SPATA6: variants seen among roughly 807,000 people sequenced by gnomAD.
SPATA6 encodes the protein spermatogenesis-associated protein 6.
SPATA6 carries 56 observed loss-of-function variants against 65.3 expected under a neutral mutation model. The observed-to-expected ratio is 0.86, with a 90% CI of 0.69 to 1.07. The LOEUF is 1.07. Ranked by LOEUF, SPATA6 falls within the 50% of genes least tolerant of loss-of-function variation. The pLI is 0.00. For synonymous variants in SPATA6, 199 were observed against 213.2 expected (o/e 0.93, Z 0.58); for missense variants, 590 against 594.8 (o/e 0.99, Z 0.08).
At chr1:48,279,152 G>C in the SPATA6 span, among the ~76,000 whole-genome samples, 3 of 152,222 alleles carry the variant, frequency 2.0e-5, no homozygotes, top group East Asian at 1.9e-4. Flanking sequence ...GTCACCACCA[G>C]GCCTGCCCTA....
rs532962472 is a variant in SPATA6, at chr1:48,391,374, C to CAA, written c.868+3891_868+3892dup. On this transcript the variant is annotated intron_variant, in intron 8 of 12. Transcript: ENST00000371847. ...TGGATAACAAAGCAAGATCCTGTCT[C>CAA]AAAAAAAAAAAGGACAAGGATATGC... is the stretch of plus-strand genomic sequence containing the variant. 7.4e-5 allele frequency among the ~76,000 whole-genome samples: 10 copies of CAA among 135,554 alleles called. No individual in the cohort carries two copies. The South Asian group carries it at 1.9e-3, about 26-fold the overall frequency. The allele number at this position is 135,554 out of a possible 152,430, so 88.9% of individuals were successfully genotyped here.
At chr1:48,453,196 T>G in intron 1 of SPATA6, 65 bp from the exon 2 acceptor site, 2 of 1,488,188 alleles carry the variant, frequency 1.3e-6, no homozygotes, top group African/African-American at 2.9e-5. Flanking sequence ...CCTACTAAAA[T>G]AACTTATCAA....
chr1:48,352,143 A>G (rs1031929610), intron 11 of SPATA6, among the ~76,000 whole-genome samples: 3 of 152,080 alleles, frequency 2.0e-5, no homozygotes, highest in Non-Finnish European at 4.4e-5. Flanking sequence ...CACATCTTAC[A>G]TGGATGGCAG....
At chr1:48,280,358 C>A in the SPATA6 span, among the ~76,000 whole-genome samples, 1 of 152,148 alleles carries the variant, frequency 6.6e-6, no homozygotes, top group African/African-American at 2.4e-5. Flanking sequence ...GAAATAGAGA[C>A]ACAAAAAACC....
In SPATA6 at chr1:48,357,160, A is replaced by G. The variant is rs141670250; in HGVS notation, c.1095-1391T>C. On this transcript the variant is annotated intron_variant, in intron 10 of 12. Coordinates refer to ENST00000371847, the MANE Select transcript of SPATA6 (RefSeq NM_019073.4). ...AAACTCAAAACTTTAAGCATGATTC[A>G]AAAGAATATCAGCTCCTTTTTCAGT... 5.3e-3 allele frequency among the ~76,000 whole-genome samples: 804 copies of G among 152,276 alleles called. 21 individuals carry two copies. Among genetic ancestry groups the G allele is most frequent in the South Asian group, 0.05 (241 of 4,822 alleles).
chr1:48,302,322 G>C (rs998537553), intron 12 of SPATA6, among the ~76,000 whole-genome samples: 4 of 152,168 alleles, frequency 2.6e-5, no homozygotes, highest in Non-Finnish European at 4.4e-5. Context: ...TGGTTCAATA[G>C]TGAACACTAA....
intron 11 of SPATA6, among the ~76,000 whole-genome samples, chr1:48,313,263 T>C (rs1400148715): frequency 2.6e-5 from 4 of 152,102 alleles, no homozygotes; most frequent in African/African-American, 4.8e-5. Context: ...AAAGTTTAAA[T>C]GAAGGCAAAA....
At chr1:48,406,041 C>T (rs1651673963) in intron 5 of SPATA6, among the ~76,000 whole-genome samples, 1 of 151,936 alleles carries the variant, frequency 6.6e-6, no homozygotes, top group Non-Finnish European at 1.5e-5. Context: ...CAGTTTCTCA[C>T]AATCAGAAGA....
chr1:48,374,792 A>G (rs1465360866), intron 9 of SPATA6, among the ~76,000 whole-genome samples: 3 of 152,178 alleles, frequency 2.0e-5, no homozygotes, highest in Non-Finnish European at 4.4e-5. Flanking sequence ...CTAAACTTTT[A>G]TATCACAAAC....
At chr1:48,348,482 T>G (rs1646431181) in intron 11 of SPATA6, among the ~76,000 whole-genome samples, 1 of 151,992 alleles carries the variant, frequency 6.6e-6, no homozygotes, top group Non-Finnish European at 1.5e-5. Context: ...CCTGTTGACA[T>G]GCCCCCTCTC....
chr1:48,429,449 G>C (rs1034241895), intron 3 of SPATA6, among the ~76,000 whole-genome samples: 1 of 151,976 alleles, frequency 6.6e-6, no homozygotes, highest in Non-Finnish European at 1.5e-5. Flanking sequence ...TCAACACAAA[G>C]ACAGCCCATA....
Position 48,298,667 on chromosome 1 carries a change from A to C in SPATA6, c.*46T>G. 4 of 1,533,404 alleles carry C rather than the reference A, an allele frequency of 2.6e-6. No individual in the cohort carries two copies. Among genetic ancestry groups the C allele is most frequent in the Non-Finnish European group, 3.5e-6 (4 of 1,135,824 alleles). The allele number at this position is 1,533,404 out of a possible 1,614,324, so 95.0% of individuals were successfully genotyped here. A position where few individuals can be genotyped will look rare whatever the true frequency, so the allele number is the denominator to read the frequency against. On this transcript the variant is annotated 3_prime_UTR_variant, in exon 13 of 13. Transcript: ENST00000371847. The stretch of plus-strand genomic sequence containing the variant: ...GATATTGATCACATCAAACATTTTC[A>C]TTGAGAAATTGACACGGACACTAAT...
chr1:48,310,709 C>A (rs985969469), intron 11 of SPATA6, among the ~76,000 whole-genome samples: 1 of 152,116 alleles, frequency 6.6e-6, no homozygotes, highest in East Asian at 1.9e-4. Flanking sequence ...AAATGGAAGA[C>A]CTAAACAACA....
At chr1:48,395,905 AAAT>A (rs1650541873) in intron 7 of SPATA6, among the ~76,000 whole-genome samples, 2 of 151,902 alleles carry the variant, frequency 1.3e-5, no homozygotes, top group Admixed American at 1.3e-4. Context: ...ATGCATCAAA[AAAT>A]AATATCAACA....
intron 11 of SPATA6, among the ~76,000 whole-genome samples, chr1:48,333,709 C>T (rs1488161181): frequency 1.3e-5 from 2 of 151,846 alleles, no homozygotes; most frequent in African/African-American, 2.4e-5. Context: ...GATCTCAAAC[C>T]ACGTAACATC....
chr1:48,323,800 C>A (rs972659871), intron 11 of SPATA6, among the ~76,000 whole-genome samples: 3 of 152,008 alleles, frequency 2.0e-5, no homozygotes, highest in African/African-American at 7.3e-5. Context: ...CAAGATTGAA[C>A]CATGAGGAAA....
intron 9 of SPATA6, among the ~76,000 whole-genome samples, chr1:48,361,411 G>T (rs1329976530): frequency 1.3e-5 from 2 of 152,082 alleles, no homozygotes; most frequent in African/African-American, 4.8e-5. Context: ...TAGTAACAGT[G>T]AAGTCATCGA....
chr1:48,405,377 T>C (rs1256997237), intron 5 of SPATA6, among the ~76,000 whole-genome samples: 3 of 152,220 alleles, frequency 2.0e-5, no homozygotes, highest in East Asian at 1.9e-4. Flanking sequence ...TCTCACGTAA[T>C]TTCTATGGGT....
intron 3 of SPATA6, among the ~76,000 whole-genome samples, chr1:48,438,887 GGGGGGACTAT>G (rs1216648874): frequency 6.6e-6 from 1 of 152,110 alleles, no homozygotes; most frequent in African/African-American, 2.4e-5. Context: ...CCATCAGGTG[GGGGGGACTAT>G]CTGGAATTTT....
Sources: allele counts gnomAD v4.1 joint callset (sites outside exome capture counted in the v4.1 genomes callset), GRCh38; gene constraint gnomAD v4.1.1; transcripts MANE v1.5; gene names NCBI Gene and HGNC (gene_info 2026-07-23, HGNC 2026-07-21).